Variants in FBXL7 observed in about 807,000 individuals in gnomAD.
FBXL7 encodes F-box and leucine rich repeat protein 7, also known as F-box/LRR-repeat protein 7.
A neutral mutation model predicts 38.3 loss-of-function variants in FBXL7; 12 were observed. The observed-to-expected ratio is 0.31, with a 90% CI of 0.20 to 0.51. FBXL7 has a LOEUF of 0.51. Ranked by LOEUF, FBXL7 falls within the 20% of genes least tolerant of loss-of-function variation. The pLI is 0.98. For missense variants in FBXL7, 567 were observed against 676.4 expected (o/e 0.84, Z 1.79); for synonymous variants, 297 against 300.9 (o/e 0.99, Z 0.13).
At chr5:15,735,899 G>C (rs886353786) in intron 2 of FBXL7, among the ~76,000 whole-genome samples, 2 of 152,190 alleles carry the variant, frequency 1.3e-5, no homozygotes, top group African/African-American at 4.8e-5. Context: ...ATTAAAGGCT[G>C]TTGGGTTTAT....
chr5:15,618,885 C>T (rs1037285546), intron 2 of FBXL7, among the ~76,000 whole-genome samples: 3 of 152,034 alleles, frequency 2.0e-5, no homozygotes, highest in Non-Finnish European at 2.9e-5. Context: ...AAAAAGAAAC[C>T]GAGGCAAGTT....
At chr5:15,591,814 G>A (rs906364198) in intron 1 of FBXL7, among the ~76,000 whole-genome samples, 58 of 152,184 alleles carry the variant, frequency 3.8e-4, no homozygotes, top group Middle Eastern at 3.4e-3. Context: ...GGGTTCAAGC[G>A]ATTCTTCTGC....
chr5:15,628,933 T>C (rs1740906847), intron 2 of FBXL7, among the ~76,000 whole-genome samples: 1 of 152,080 alleles, frequency 6.6e-6, no homozygotes, highest in South Asian at 2.1e-4. Context: ...ATATATTTTT[T>C]CTGCTGAAGA....
At chr5:15,879,382 G>A (rs1410889650) in intron 2 of FBXL7, among the ~76,000 whole-genome samples, 1 of 152,126 alleles carries the variant, frequency 6.6e-6, no homozygotes, top group Non-Finnish European at 1.5e-5. Context: ...AAGAACACGT[G>A]TCCCTAGGGG....
chr5:15,874,932 T>G (rs753876151), intron 2 of FBXL7, among the ~76,000 whole-genome samples: 67 of 152,120 alleles, frequency 4.4e-4, no homozygotes, highest in Non-Finnish European at 8.2e-4. Context: ...TCATATGGAA[T>G]GAAAAAAGAG....
intron 2 of FBXL7, among the ~76,000 whole-genome samples, chr5:15,841,936 C>T (rs187575462): frequency 5.3e-5 from 8 of 152,342 alleles, no homozygotes; most frequent in African/African-American, 1.2e-4. Context: ...GTTTCAGGGG[C>T]GGAGCCCTCA....
rs752704387 is a variant in FBXL7, at chr5:15,939,116, G to A, written c.*1930G>A. 3.5e-5 allele frequency: 14 copies of A among 398,732 alleles called. No homozygotes were observed. The highest frequency in any genetic ancestry group is 8.8e-5 in the Admixed American group (2 of 22,696). 24.7% of individuals were successfully genotyped at this position (398,732 alleles called of 1,614,324 possible). On this transcript the variant is annotated 3_prime_UTR_variant, in exon 4 of 4. Transcript: ENST00000504595. ...GTGATGAGGTGGTGTCTGCCCAGGAGGTTTCTTTCAAACATCATGGCCTCC... is the reference window on the plus strand; with the variant it reads ...GTGATGAGGTGGTGTCTGCCCAGGAAGTTTCTTTCAAACATCATGGCCTCC...
intron 2 of FBXL7, among the ~76,000 whole-genome samples, chr5:15,745,287 A>G (rs1735986026): frequency 6.6e-6 from 1 of 152,206 alleles, no homozygotes; most frequent in African/African-American, 2.4e-5. Context: ...ACCCTAGTGT[A>G]AGCTAATGCA....
At chr5:15,663,182 G>A (rs1308307233) in intron 2 of FBXL7, among the ~76,000 whole-genome samples, 1 of 152,134 alleles carries the variant, frequency 6.6e-6, no homozygotes, top group Non-Finnish European at 1.5e-5. Flanking sequence ...TCTTTGAGCA[G>A]TGTTTTGTAA....
intron 2 of FBXL7, among the ~76,000 whole-genome samples, chr5:15,644,596 T>A (rs2126561331): frequency 6.6e-6 from 1 of 152,264 alleles, no homozygotes; most frequent in Middle Eastern, 3.4e-3. Flanking sequence ...TGAAGAATGC[T>A]TTATTTCTAG....
At chr5:15,672,792 T>A (rs1742523305) in intron 2 of FBXL7, among the ~76,000 whole-genome samples, 1 of 152,098 alleles carries the variant, frequency 6.6e-6, no homozygotes, top group East Asian at 1.9e-4. Context: ...TGTCCTTAAG[T>A]GATCCTCCCG....
chr5:15,692,983 T>A lies in FBXL7; in HGVS notation c.127+76911T>A, dbSNP rs528090287. Among the ~76,000 whole-genome samples the A allele has an allele frequency of 6.6e-5, 10 of 152,284 alleles. No homozygotes were observed. The East Asian group carries it at 1.9e-3, about 29-fold the overall frequency. On this transcript the variant is annotated intron_variant, in intron 2 of 3. Coordinates refer to ENST00000504595, the MANE Select transcript of FBXL7 (RefSeq NM_012304.5). ...ATTGGGCCCTGAGCCTCTGAACCAG[T>A]TGGAGTAATGCTGCTTAAACAAAAC... is the stretch of plus-strand genomic sequence containing the variant.
chr5:15,883,502 A>G (rs1009889863), intron 2 of FBXL7, among the ~76,000 whole-genome samples: 3 of 152,190 alleles, frequency 2.0e-5, no homozygotes, highest in Non-Finnish European at 4.4e-5. Flanking sequence ...TTCGTGTTGT[A>G]AGAATGGGTT....
intron 1 of FBXL7, among the ~76,000 whole-genome samples, chr5:15,551,675 T>C (rs571947384): frequency 7.9e-5 from 12 of 152,344 alleles, no homozygotes; most frequent in African/African-American, 2.9e-4. Context: ...ATAAAACATA[T>C]TAAGGAATTT....
At chr5:15,888,115 A>G (rs1215506897) in intron 2 of FBXL7, among the ~76,000 whole-genome samples, 8 of 152,260 alleles carry the variant, frequency 5.3e-5, no homozygotes, top group Admixed American at 5.2e-4. Flanking sequence ...TTGCACTATC[A>G]TCCAGGAAAT....
rs966962439 is a variant in FBXL7 at position 15,924,453 on chromosome 5, C to T, written c.128-3437C>T. Among the ~76,000 whole-genome samples, 4 of 149,762 alleles carry T rather than the reference C, an allele frequency of 2.7e-5. No individual in the cohort carries two copies. The South Asian group carries it at 6.5e-4, about 24-fold the overall frequency. On this transcript the variant is annotated intron_variant, in intron 2 of 3. Transcript: ENST00000504595. ...TAGAAGGTATGTCCATCATCTGTTGCGACAGTAATACTGTGTAAAAAATCA... is the reference window on the plus strand; with the variant it reads ...TAGAAGGTATGTCCATCATCTGTTGTGACAGTAATACTGTGTAAAAAATCA...
At chr5:15,754,441 G>T (rs1256649087) in intron 2 of FBXL7, among the ~76,000 whole-genome samples, 1 of 152,186 alleles carries the variant, frequency 6.6e-6, no homozygotes, top group East Asian at 1.9e-4. Context: ...ATCACATGGT[G>T]GTGGCTAGAG....
chr5:15,507,869 C>A (rs980821365), intron 1 of FBXL7, among the ~76,000 whole-genome samples: 1 of 151,828 alleles, frequency 6.6e-6, no homozygotes, highest in African/African-American at 2.4e-5. Flanking sequence ...GTGGTGAAAC[C>A]CGGTGTCTAC....
At chr5:15,836,598 G>A (rs1738598151) in intron 2 of FBXL7, among the ~76,000 whole-genome samples, 1 of 152,162 alleles carries the variant, frequency 6.6e-6, no homozygotes, top group African/African-American at 2.4e-5. Flanking sequence ...TTCTAGGTGG[G>A]AGTGTGCCTC....
Sources: allele counts gnomAD v4.1 joint callset (sites outside exome capture counted in the v4.1 genomes callset), GRCh38; gene constraint gnomAD v4.1.1; transcripts MANE v1.5; gene names NCBI Gene and HGNC (gene_info 2026-07-23, HGNC 2026-07-21).